The following RB1 variants were observed in gnomAD, a reference collection of about 807,000 sequenced individuals.
RB1 encodes the protein RB transcriptional corepressor 1.
RB1 carries 18 observed loss-of-function variants against 135.4 expected under a neutral mutation model. That is an observed-to-expected ratio of 0.13 (90% CI 0.09 to 0.20). The LOEUF (loss-of-function observed/expected upper bound fraction) is 0.20. Ranked by LOEUF, RB1 falls within the 10% of genes least tolerant of loss-of-function variation. The pLI is 1.00. For missense variants in RB1, 868 were observed against 1,110.0 expected, an observed-to-expected ratio of 0.78 and a Z score of 3.10; for synonymous variants, 365 against 373.2, an observed-to-expected ratio of 0.98 and a Z score of 0.25.
intron 17 of RB1, among the ~76,000 whole-genome samples, chr13:48,436,737 G>T (rs1038398331): frequency 1.3e-5 from 2 of 152,082 alleles, no homozygotes; most frequent in Non-Finnish European, 2.9e-5. Flanking sequence ...AAGGTAAAAT[G>T]GAAAAGATCT....
chr13:48,339,602 C>T (rs545485686), intron 2 of RB1, among the ~76,000 whole-genome samples: 230 of 152,280 alleles, frequency 1.5e-3, no homozygotes, highest in Admixed American at 3.2e-3. Context: ...AAGGGAATTC[C>T]GTGACCCCCT....
chr13:48,415,651 G>T (rs1948896459), intron 17 of RB1: 1 of 151,992 alleles, frequency 6.6e-6, no homozygotes, highest in African/African-American at 2.4e-5. Flanking sequence ...TGTTGAATTA[G>T]GCTTTTCATT....
At chr13:48,308,022 A>G (rs868687161) in intron 2 of RB1, among the ~76,000 whole-genome samples, 1 of 151,890 alleles carries the variant, frequency 6.6e-6, no homozygotes. Flanking sequence ...ATATGCAATC[A>G]GTGTTCAGAT....
chr13:48,348,474 T>C (rs1215039296), intron 5 of RB1, among the ~76,000 whole-genome samples: 2 of 151,854 alleles, frequency 1.3e-5, no homozygotes, highest in Non-Finnish European at 3.0e-5. Context: ...AAGTGTTAAA[T>C]TGGCAAACTA....
chr13:48,347,902 A>G (rs762436892), intron 5 of RB1, 39 bp downstream of exon 5: 125 of 1,485,782 alleles, frequency 8.4e-5, no homozygotes, highest in Non-Finnish European at 1.0e-4. Flanking sequence ...ACTTAAAAAA[A>G]AAGATTTTTA....
At chr13:48,429,394 C>T (rs571623427) in intron 17 of RB1, 4 of 152,296 alleles carry the variant, frequency 2.6e-5, no homozygotes, top group Admixed American at 2.6e-4. Flanking sequence ...AGTTCTGCAT[C>T]AATATGGTGA....
At position 48,347,855 on chromosome 13, in the gene RB1, C is replaced by G. The variant is rs2138091692; in HGVS notation, c.531C>G (p.Pro177=). The change falls in exon 5 of 27, where the codon CCC becomes CCG. Residue 177 remains proline (P), a synonymous_variant. Transcript: ENST00000267163. ...RTCELIYLTQ[P]SSSISTEINS... ...GTGAACTTATATATTTGACACAACCCAGCAGTTCGTAAGTAGTTCACAGAA... is the reference window on the plus strand; with the variant it reads ...GTGAACTTATATATTTGACACAACCGAGCAGTTCGTAAGTAGTTCACAGAA... The G allele has an allele frequency of 6.3e-7, 1 of 1,591,228 alleles. No homozygotes were observed. Among genetic ancestry groups the G allele is most frequent in the Non-Finnish European group, 8.6e-7 (1 of 1,160,672 alleles).
chr13:48,465,521 G>T (rs995018444), intron 23 of RB1, among the ~76,000 whole-genome samples, 153 bp downstream of exon 23: 4 of 152,188 alleles, frequency 2.6e-5, no homozygotes, highest in African/African-American at 9.7e-5. Flanking sequence ...ATATGGGGGC[G>T]GGGTGAAGAA....
At chr13:48,306,078 TG>T (rs1161057962) in intron 1 of RB1, among the ~76,000 whole-genome samples, 5 of 152,112 alleles carry the variant, frequency 3.3e-5, no homozygotes, top group Non-Finnish European at 4.4e-5. Context: ...GAGGCCAGCC[TG>T]GGCAACAAAG....
intron 17 of RB1, among the ~76,000 whole-genome samples, chr13:48,394,276 G>C (rs936537745): frequency 6.6e-6 from 1 of 152,148 alleles, no homozygotes; most frequent in South Asian, 2.1e-4. Flanking sequence ...AGATTCCCTC[G>C]GGTGCCTACA....
At chr13:48,423,090 A>G (rs780884281) in intron 17 of RB1, among the ~76,000 whole-genome samples, 6 of 152,112 alleles carry the variant, frequency 3.9e-5, no homozygotes, top group African/African-American at 7.2e-5. Flanking sequence ...TGATTGTACC[A>G]TTTTACTCCA....
At chr13:48,393,025 C>T (rs1205834078) in intron 17 of RB1, among the ~76,000 whole-genome samples, 2 of 152,226 alleles carry the variant, frequency 1.3e-5, no homozygotes, top group Non-Finnish European at 2.9e-5. Context: ...CTTCACTATC[C>T]AGGCATTGCT....
intron 2 of RB1, among the ~76,000 whole-genome samples, chr13:48,335,212 T>G (rs1374551847): frequency 6.6e-6 from 1 of 152,162 alleles, no homozygotes; most frequent in Non-Finnish European, 1.5e-5. Context: ...CCCTTTAATA[T>G]TCCTTGAAAC....
At chr13:48,464,959 T>G in intron 21 of RB1, 39 bp from the exon 22 acceptor site, 1 of 174,958 alleles carries the variant, frequency 5.7e-6, no homozygotes, top group East Asian at 3.6e-4. Flanking sequence ...TAAATTTTAC[T>G]TTTTTTTTTT....
intron 1 of RB1, among the ~76,000 whole-genome samples, chr13:48,306,668 C>T (rs970311415): frequency 6.6e-6 from 1 of 152,166 alleles, no homozygotes; most frequent in South Asian, 2.1e-4. Flanking sequence ...GTACTTTCTA[C>T]AGGATCATAG....
At chr13:48,362,692 C>A in intron 7 of RB1, 123 bp from the exon 8 acceptor site, 1 of 1,027,564 alleles carries the variant, frequency 9.7e-7, no homozygotes, top group Non-Finnish European at 1.5e-6. Flanking sequence ...TCTAATGAAA[C>A]CTAATAAGTA....
At chr13:48,365,042 T>C (rs1298903736) in intron 9 of RB1, 71 bp downstream of exon 9, 1 of 1,489,468 alleles carries the variant, frequency 6.7e-7, no homozygotes, top group African/African-American at 1.4e-5. Flanking sequence ...TGTCTAACTT[T>C]CTTAGATCAA....
chr13:48,466,057 C>T (rs1949441450), intron 23 of RB1, among the ~76,000 whole-genome samples: 1 of 151,176 alleles, frequency 6.6e-6, no homozygotes, highest in African/African-American at 2.4e-5. Context: ...GAGCCCACCA[C>T]AGGTCAAGGA....
intron 1 of RB1, among the ~76,000 whole-genome samples, chr13:48,305,987 G>A (rs1233641104): frequency 6.6e-6 from 1 of 152,152 alleles, no homozygotes; most frequent in African/African-American, 2.4e-5. Context: ...ATCATGTTTC[G>A]AGCTGGGTGT....
Sources: allele counts gnomAD v4.1 joint callset (sites outside exome capture counted in the v4.1 genomes callset), GRCh38; gene constraint gnomAD v4.1.1; transcripts MANE v1.5; gene names NCBI Gene and HGNC (gene_info 2026-07-23, HGNC 2026-07-21).